ASPSCR1: variants seen among roughly 807,000 people sequenced by gnomAD.
ASPSCR1 encodes the protein ASPSCR1 tether for SLC2A4, UBX domain containing.
A neutral mutation model predicts 68.9 loss-of-function variants in ASPSCR1; 55 were observed. The observed-to-expected ratio is 0.80, with a 90% confidence interval of 0.64 to 1.00. ASPSCR1 has a LOEUF of 1.00. Among genes scored for constraint, ASPSCR1 ranks in the 50% least tolerant of loss-of-function variants. The probability of loss-of-function intolerance (pLI) is 0.00; values close to 1 mark genes in which losing one functional copy is unlikely to be tolerated. For synonymous variants in ASPSCR1, 352 were observed against 332.6 expected, an observed-to-expected ratio of 1.06 and a Z score of -0.63; for missense variants, 765 against 762.2, an observed-to-expected ratio of 1.00 and a Z score of -0.04.
chr17:81,979,146 A>G (rs755283613), intron 1 of ASPSCR1, 38 bp from the exon 2 acceptor site: 2 of 1,611,634 alleles, frequency 1.2e-6, no homozygotes, highest in East Asian at 4.5e-5. Context: ...CCAGCCCTGC[A>G]CACTCAGCAG....
At chr17:82,008,749 G>C (rs2042807657) in intron 7 of ASPSCR1, 2 of 360,198 alleles carry the variant, frequency 5.6e-6, no homozygotes, top group Non-Finnish European at 1.0e-5. Context: ...CAGACTCCAG[G>C]GGCCATGTGC....
In ASPSCR1 at chr17:81,983,517, C is replaced by T. The variant is rs2041865314; in HGVS notation, c.159-37C>T. 1.4e-6 allele frequency: 2 copies of T among 1,469,900 alleles called. No individual in the cohort carries two copies. Among genetic ancestry groups the T allele is most frequent in the South Asian group, 1.2e-5 (1 of 80,148 alleles). The allele number at this position is 1,469,900 out of a possible 1,614,324, so 91.1% of individuals were successfully genotyped here. ...CGTGGATGGCAGGGCGTGTCAGGCT[C>T]TGCAGGGCAGCAAGTGTGCTCTGGT... On this transcript the variant is annotated intron_variant, in intron 2 of 15. Transcript: ENST00000306739. This position sits in a 1 kb window ranked among gnomAD's most constrained non-coding sequence, Gnocchi z 4.4.
chr17:82,009,301 C>A, intron 8 of ASPSCR1, 110 bp downstream of exon 8: 1 of 1,440,240 alleles, frequency 6.9e-7, no homozygotes. Flanking sequence ...GCCCAGGTCC[C>A]TGACAGGCTG....
chr17:82,007,404 T>C (rs1220899754), intron 7 of ASPSCR1: 2 of 152,418 alleles, frequency 1.3e-5, no homozygotes, highest in Admixed American at 6.5e-5. Context: ...AGCAGCGTGA[T>C]GCTGATGGTC....
At chr17:81,998,331 G>A (rs2042423804) in intron 7 of ASPSCR1, among the ~76,000 whole-genome samples, 1 of 152,128 alleles carries the variant, frequency 6.6e-6, no homozygotes, top group African/African-American at 2.4e-5. Context: ...TCTTTGACTG[G>A]CTGACTCCTT....
At chr17:81,988,959 G>C (rs1307187481) in intron 4 of ASPSCR1, among the ~76,000 whole-genome samples, 1 of 152,168 alleles carries the variant, frequency 6.6e-6, no homozygotes, top group Non-Finnish European at 1.5e-5. Context: ...TGTAATCCCA[G>C]CACTTTGGGA....
rs910765421 is a variant in ASPSCR1 at position 81,983,158 on chromosome 17, G to A, written c.159-396G>A. 3.9e-5 allele frequency among the ~76,000 whole-genome samples: 6 copies of A among 152,184 alleles called. No individual in the cohort carries two copies. The highest frequency in any genetic ancestry group is 5.9e-5 in the Non-Finnish European group (4 of 68,034). On this transcript the variant is annotated intron_variant, in intron 2 of 15. Coordinates refer to ENST00000306739, the MANE Select transcript of ASPSCR1 (RefSeq NM_024083.4). The surrounding 1 kb of genome is among the most constrained non-coding windows in gnomAD (Gnocchi z 4.4). ...CTGCGCCCGGGCAGTCAGGTTTTCT[G>A]TGGTGGCTCCAGCCGTGACGGCCGG...
intron 3 of ASPSCR1, among the ~76,000 whole-genome samples, chr17:81,984,535 C>T (rs2041900794): frequency 6.6e-6 from 1 of 151,662 alleles, no homozygotes. Context: ...CGAGATTGTG[C>T]TGCCACTGCA....
Position 81,990,806 on chromosome 17 carries a change from G to C in ASPSCR1, c.375-4015G>C, listed in dbSNP as rs773106245. ...TGGGGTACAGATTGTTATGCTAACG[G>C]GTTTCCTATGAGGAGTTTCTCTCCA... On this transcript the variant is annotated intron_variant, in intron 4 of 15. Transcript: ENST00000306739. This position sits in a 1 kb window ranked among gnomAD's most constrained non-coding sequence, Gnocchi z 4.1. Among the ~76,000 whole-genome samples the C allele has an allele frequency of 1.6e-4, 25 of 152,160 alleles. No homozygotes were observed. Among genetic ancestry groups the C allele is most frequent in the Non-Finnish European group, 2.1e-4 (14 of 68,016 alleles).
intron 5 of ASPSCR1, chr17:81,995,098 C>G (rs1003064972): frequency 3.6e-6 from 2 of 552,584 alleles, no homozygotes; most frequent in African/African-American, 3.9e-5. Context: ...CAGCTTCTCT[C>G]AAAGCCCAAG....
At chr17:81,992,900 C>T (rs2042218567) in intron 4 of ASPSCR1, among the ~76,000 whole-genome samples, 1 of 152,194 alleles carries the variant, frequency 6.6e-6, no homozygotes, top group Admixed American at 6.5e-5. Flanking sequence ...GGCTAGAGGC[C>T]CTTGGGGAAG....
chr17:82,008,696 T>G, intron 7 of ASPSCR1: 1 of 248,618 alleles, frequency 4.0e-6, no homozygotes. Context: ...TTGGCGGCTG[T>G]CGCCACCCCT....
chr17:81,993,445 C>G (rs2042236799), intron 4 of ASPSCR1, among the ~76,000 whole-genome samples: 1 of 152,156 alleles, frequency 6.6e-6, no homozygotes, highest in Admixed American at 6.5e-5. Flanking sequence ...GATCTCCTGA[C>G]CTCGTGATCC....
rs370178683 is a variant in ASPSCR1 at position 81,994,839 on chromosome 17, C to G, written c.393C>G (p.Pro131=). 1 of 1,613,394 alleles carries G rather than the reference C, an allele frequency of 6.2e-7. No homozygotes were observed. The change falls in exon 5 of 16, where the codon CCC becomes CCG. Residue 131 remains proline (P), a synonymous_variant. Coordinates refer to ENST00000306739, the MANE Select transcript of ASPSCR1 (RefSeq NM_024083.4). ...CTCCCAGGGAGTGCCTGCAGCACCC[C>G]GGCGGGGCCACCCCAGTCTGCGTGT... ...FPQIRECLQH[P]GGATPVCVYT... is the part of the protein sequence containing the mutation.
chr17:82,008,991 G>A (rs78274313), intron 7 of ASPSCR1, 46 bp from the exon 8 acceptor site: 17,767 of 1,447,130 alleles, frequency 0.012, 606 homozygotes, highest in African/African-American at 0.12. Flanking sequence ...GGGTGCGGAG[G>A]GCCCAGCCCG....
intron 13 of ASPSCR1, 130 bp from the exon 14 acceptor site, chr17:82,016,670 C>A: frequency 6.9e-7 from 1 of 1,438,970 alleles, no homozygotes; most frequent in East Asian, 2.5e-5. Context: ...ACCACCTCCC[C>A]GAGAGAGGAC....
Position 81,999,917 on chromosome 17 carries a change from T to C in ASPSCR1, c.933+3071T>C, listed in dbSNP as rs1401832215. Among the ~76,000 whole-genome samples, 3 of 152,178 alleles carry C rather than the reference T, an allele frequency of 2.0e-5. No individual in the cohort carries two copies. Among genetic ancestry groups the C allele is most frequent in the Non-Finnish European group, 4.4e-5 (3 of 68,002 alleles). ...CCAGCCCCTCTGTTTTCTGTCCCCC[T>C]GGCTGTCCTGGGACTGTTCCTGTTG... On this transcript the variant is annotated intron_variant, in intron 7 of 15. Coordinates refer to ENST00000306739, the MANE Select transcript of ASPSCR1 (RefSeq NM_024083.4). This position sits in a 1 kb window ranked among gnomAD's most constrained non-coding sequence, Gnocchi z 4.4.
At chr17:82,002,003 C>CTTTTT (rs71166183) in intron 7 of ASPSCR1, among the ~76,000 whole-genome samples, 10 of 93,808 alleles carry the variant, frequency 1.1e-4, no homozygotes, top group East Asian at 2.8e-4. Flanking sequence ...TTTCTTTTTC[C>CTTTTT]TTTTTTTTTT....
At chr17:82,016,633 TGA>T in intron 13 of ASPSCR1, 106 bp downstream of exon 13, 3 of 1,489,160 alleles carry the variant, frequency 2.0e-6, no homozygotes, top group Non-Finnish European at 9.1e-7. Flanking sequence ...CCTTTGGGTC[TGA>T]GAGGGAGATC....
Sources: gnomAD v4.1 joint callset for allele counts (sites outside exome capture counted in the v4.1 genomes callset) on GRCh38, gnomAD v4.1.1 for gene constraint, Gnocchi (gnomAD v3.1) non-coding constraint, MANE v1.5 for transcripts, NCBI Gene and HGNC (gene_info 2026-07-23, HGNC 2026-07-21) for gene names.